Variants in SETD5 observed in about 807,000 individuals in gnomAD.
SETD5 encodes histone-lysine N-methyltransferase SETD5.
In SETD5, 44 loss-of-function variants were observed where a neutral mutation model predicts 153.3. The ratio of observed to expected loss-of-function variants is 0.29; its 90% CI spans 0.23 to 0.37. SETD5 has a LOEUF of 0.37. SETD5 is among the 10% of genes least tolerant of loss of function. The probability of loss-of-function intolerance (pLI) is 1.00; values close to 1 mark genes in which losing one functional copy is unlikely to be tolerated. For missense variants in SETD5, 1,544 were observed against 1,768.0 expected (o/e 0.87, Z 2.27); for synonymous variants, 716 against 645.2 (o/e 1.11, Z -1.66).
chr3:9,420,461 G>A (rs535751988), intron 1 of SETD5, among the ~76,000 whole-genome samples: 1 of 151,978 alleles, frequency 6.6e-6, no homozygotes, highest in African/African-American at 2.4e-5. Flanking sequence ...TATAGACATC[G>A]GTTTATTGTG....
At chr3:9,411,391 C>T (rs2036548566) in intron 1 of SETD5, among the ~76,000 whole-genome samples, 2 of 152,018 alleles carry the variant, frequency 1.3e-5, no homozygotes, top group South Asian at 4.1e-4. Context: ...AAGTCTTGTA[C>T]CTGTTAAATG....
At position 9,475,930 on chromosome 3, in the gene SETD5, A is replaced by G. The variant is rs367768112; in HGVS notation, c.4168A>G (p.Ser1390Gly). 21 of 1,613,882 alleles carry G rather than the reference A, an allele frequency of 1.3e-5. No homozygotes were observed. Among genetic ancestry groups the G allele is most frequent in the South Asian group, 3.3e-5 (3 of 91,078 alleles). Residue 1390 changes from serine to glycine, a missense_variant, in exon 23 of 23, where the codon AGT becomes GGT. By Grantham distance (56) the Ser-to-Gly change is moderately conservative (BLOSUM62 0). Coordinates refer to ENST00000402198, the MANE Select transcript of SETD5 (RefSeq NM_001080517.3). Reference protein sequence around the residue: ...SSLPSDLRTISLPSAGQSAVY... With the variant: ...SSLPSDLRTIGLPSAGQSAVY... ...ATTGCCATCAGACTTACGGACTATC[A>G]GTCTGCCCAGTGCTGGGCAGTCAGC...
chr3:9,412,387 GTT>G (rs370566998), intron 1 of SETD5, among the ~76,000 whole-genome samples: 27 of 89,538 alleles, frequency 3.0e-4, no homozygotes, highest in African/African-American at 7.4e-4. Flanking sequence ...ACAGTTTTGG[GTT>G]TTTTTTTTTT....
At chr3:9,473,115 T>G in intron 19 of SETD5, 121 bp from the exon 20 acceptor site, 1 of 1,222,188 alleles carries the variant, frequency 8.2e-7, no homozygotes, top group Non-Finnish European at 1.1e-6. Context: ...CTGCTTTGTT[T>G]GCGTGGCTTG....
chr3:9,457,591 A>C (rs1040591418), intron 17 of SETD5, among the ~76,000 whole-genome samples: 1 of 151,110 alleles, frequency 6.6e-6, no homozygotes, highest in South Asian at 2.1e-4. Context: ...AAAATCATTT[A>C]TATACCAAGA....
At chr3:9,469,079 A>G (rs2044990500) in intron 18 of SETD5, among the ~76,000 whole-genome samples, 1 of 152,150 alleles carries the variant, frequency 6.6e-6, no homozygotes, top group Non-Finnish European at 1.5e-5. Context: ...CAGCTTCTTC[A>G]GGAAGGGAAA....
intron 15 of SETD5, 100 bp downstream of exon 15, chr3:9,448,106 A>G (rs942640201): frequency 7.7e-7 from 1 of 1,291,556 alleles, no homozygotes; most frequent in Non-Finnish European, 1.0e-6. Flanking sequence ...TCTCAATATT[A>G]CTAGATTGAA....
intron 3 of SETD5, chr3:9,430,103 G>A (rs2039786338): frequency 9.6e-7 from 1 of 1,038,734 alleles, no homozygotes. Context: ...ACAGTCCCTG[G>A]GGATTCTTCC....
intron 18 of SETD5, among the ~76,000 whole-genome samples, chr3:9,468,087 A>G (rs2044827454): frequency 6.6e-6 from 1 of 151,130 alleles, no homozygotes; most frequent in Admixed American, 6.6e-5. Context: ...GAATAAAGAA[A>G]TGTGACAAGC....
chr3:9,468,548 G>A (rs1390847426), intron 18 of SETD5: 3 of 1,304,146 alleles, frequency 2.3e-6, no homozygotes, highest in Non-Finnish European at 3.0e-6. Flanking sequence ...GTTCCCCTGC[G>A]CATAGGCCCG....
chr3:9,412,278 A>G (rs948681220), intron 1 of SETD5, among the ~76,000 whole-genome samples: 2 of 148,966 alleles, frequency 1.3e-5, no homozygotes, highest in African/African-American at 4.9e-5. Context: ...AGAAGATAGT[A>G]TTTTAGATAT....
chr3:9,437,728 C>T (rs1228849325), intron 7 of SETD5, among the ~76,000 whole-genome samples: 5 of 152,192 alleles, frequency 3.3e-5, no homozygotes, highest in South Asian at 2.1e-4. Context: ...TAAGGCCAGG[C>T]GCAGTAGCTC....
At position 9,435,709 on chromosome 3, in the gene SETD5, T is replaced by C; in HGVS notation, c.389-19T>C. The stretch of plus-strand genomic sequence containing the variant: ...TTTGAGGCTATTAGTACCTGAACTA[T>C]GAAATCATCATTTTTCAGGTGGGGA... On this transcript the variant is annotated intron_variant, in intron 6 of 22. Coordinates refer to ENST00000402198, the MANE Select transcript of SETD5 (RefSeq NM_001080517.3). 6.4e-7 allele frequency: 1 copy of C among 1,555,204 alleles called. No homozygotes were observed. The highest frequency in any genetic ancestry group is 8.7e-7 in the Non-Finnish European group (1 of 1,153,024).
rs778124040 is a variant in SETD5 at position 9,434,385 on chromosome 3, C to T, written c.229C>T (p.Arg77Cys). The part of the protein sequence containing the change: ...LNGLPSPVEE[R>C]CGDSPNSEGE... The stretch of plus-strand genomic sequence containing the variant: ...TGGCCTGCCGTCGCCTGTAGAGGAA[C>T]GCTGTGGAGACAGCCCGAACTCTGA... The change falls in exon 5 of 23, where the codon CGC (arginine) becomes TGC (cysteine). Residue 77 changes from arginine to cysteine, a missense_variant. Physicochemically the swap from Arg to Cys is radical, Grantham distance 180. This residue lies in a region of SETD5 where 251 missense variants were observed against 326.9 expected (regional missense o/e 0.77). Coordinates refer to ENST00000402198, the MANE Select transcript of SETD5 (RefSeq NM_001080517.3). The surrounding 1 kb of genome is among the most constrained non-coding windows in gnomAD (Gnocchi z 5.6). The T allele has an allele frequency of 8.1e-6, 13 of 1,613,954 alleles. No homozygotes were observed. The highest frequency in any genetic ancestry group is 5.0e-5 in the Admixed American group (3 of 60,026).
At chr3:9,402,774 C>T (rs1018393705) in intron 1 of SETD5, among the ~76,000 whole-genome samples, 3 of 152,158 alleles carry the variant, frequency 2.0e-5, no homozygotes, top group African/African-American at 7.2e-5. Context: ...AAATAGATTT[C>T]TGTCTGGGGA....
intron 1 of SETD5, chr3:9,398,217 A>C (rs1426452615): frequency 1.4e-5 from 2 of 142,044 alleles, no homozygotes; most frequent in Non-Finnish European, 1.5e-5. Context: ...TCCCCCTTTC[A>C]TGTTTTTCCT....
intron 1 of SETD5, among the ~76,000 whole-genome samples, chr3:9,403,564 G>A (rs58569981): frequency 3.1e-4 from 47 of 152,326 alleles, no homozygotes; most frequent in African/African-American, 8.4e-4. Context: ...GTTGCCATAT[G>A]TAAAATGCTA....
intron 1 of SETD5, among the ~76,000 whole-genome samples, chr3:9,407,866 G>A (rs1299993819): frequency 6.6e-6 from 1 of 152,090 alleles, no homozygotes; most frequent in African/African-American, 2.4e-5. Flanking sequence ...TGGGCGTGGT[G>A]GCGCATGCCT....
At chr3:9,467,198 T>TC (rs2044690204) in intron 18 of SETD5, among the ~76,000 whole-genome samples, 1 of 45,684 alleles carries the variant, frequency 2.2e-5, no homozygotes, top group Admixed American at 3.0e-4. Flanking sequence ...AGACTCTCTC[T>TC]CAAAAAAAAA....
Sources: allele counts gnomAD v4.1 joint callset (sites outside exome capture counted in the v4.1 genomes callset), GRCh38; gene constraint gnomAD v4.1.1; regional missense constraint gnomAD v4.1.1; non-coding constraint Gnocchi (gnomAD v3.1); transcripts MANE v1.5; gene names NCBI Gene and HGNC (gene_info 2026-07-23, HGNC 2026-07-21).